CHD1: variants seen among roughly 807,000 people sequenced by gnomAD.
The protein encoded by CHD1 is ATP-dependent chromatin remodeler CHD1.
CHD1 carries 36 observed loss-of-function variants against 224.2 expected under a neutral mutation model. The ratio of observed to expected loss-of-function variants is 0.16; its 90% CI spans 0.12 to 0.21. CHD1 has a LOEUF of 0.21. CHD1 is among the 10% of genes least tolerant of loss of function. CHD1 has a pLI of 1.00. For missense variants in CHD1, 1,378 were observed against 1,994.8 expected (o/e 0.69, Z 5.89); for synonymous variants, 668 against 658.3 (o/e 1.01, Z -0.23).
chr5:98,904,603 G>GT (rs1375915308), intron 3 of CHD1, among the ~76,000 whole-genome samples: 2 of 152,096 alleles, frequency 1.3e-5, no homozygotes, highest in African/African-American at 2.4e-5. Flanking sequence ...TCTTAAATTT[G>GT]TATCTATGAC....
chr5:98,913,055 C>A (rs890358182), intron 2 of CHD1, among the ~76,000 whole-genome samples: 2 of 152,146 alleles, frequency 1.3e-5, no homozygotes, highest in Non-Finnish European at 2.9e-5. Context: ...ACAAAGAGAG[C>A]TATAAATAAA....
In CHD1 at chr5:98,872,084, A is replaced by T. The variant is rs1480653135; in HGVS notation, c.3828T>A (p.Ile1276=). The T allele has an allele frequency of 1.9e-6, 3 of 1,613,166 alleles. No individual in the cohort carries two copies. The African/African-American group carries it at 4.0e-5, about 22-fold the overall frequency. Reference sequence around the variant, plus strand: ...TTAGACTGAGGTCAGGATCCATTTTAATCATTTCCCAGCTTCCATATCCAT... The same window carrying T: ...TTAGACTGAGGTCAGGATCCATTTTTATCATTTCCCAGCTTCCATATCCAT... ...YEYGYGSWEM[I]KMDPDLSLTH... is the part of the protein sequence containing the mutation. Residue 1276 remains isoleucine, a synonymous_variant, in exon 28 of 36, where the codon ATT becomes ATA. Transcript: ENST00000614616.
chr5:98,864,517 C>CAAAAAAAAA (rs67061692), intron 31 of CHD1, among the ~76,000 whole-genome samples: 2 of 58,154 alleles, frequency 3.4e-5, no homozygotes, highest in African/African-American at 6.2e-5. Flanking sequence ...GATTCTATAC[C>CAAAAAAAAA]AAAAAAAAAA....
intron 28 of CHD1, 68 bp from the exon 29 acceptor site, chr5:98,870,871 T>C: frequency 5.6e-6 from 5 of 895,928 alleles, no homozygotes; most frequent in Non-Finnish European, 7.1e-6. Context: ...GGCTAAAAAA[T>C]GCTTAACCAT....
intron 2 of CHD1, among the ~76,000 whole-genome samples, chr5:98,922,466 AAAG>A (rs1753164261): frequency 6.6e-6 from 1 of 152,194 alleles, no homozygotes; most frequent in Non-Finnish European, 1.5e-5. Flanking sequence ...CTCCAGACAG[AAAG>A]AATAGTTAAA....
At chr5:98,912,597 G>A (rs1437992040) in intron 2 of CHD1, among the ~76,000 whole-genome samples, 3 of 152,126 alleles carry the variant, frequency 2.0e-5, no homozygotes, top group Non-Finnish European at 2.9e-5. Context: ...CTAGAACCCA[G>A]GAGGCAGAGG....
chr5:98,865,443 AAACT>A (rs1748789993), intron 31 of CHD1, among the ~76,000 whole-genome samples: 2 of 152,236 alleles, frequency 1.3e-5, no homozygotes, highest in Admixed American at 1.3e-4. Flanking sequence ...TGTGGAGTAC[AAACT>A]GAGGTATGAG....
At chr5:98,897,731 GA>G (rs1267019669) in intron 10 of CHD1, among the ~76,000 whole-genome samples, 1 of 152,190 alleles carries the variant, frequency 6.6e-6, no homozygotes, top group Non-Finnish European at 1.5e-5. Flanking sequence ...AATAAGGAAA[GA>G]AAGTCTAGTA....
chr5:98,894,890 C>T (rs1349855520), intron 12 of CHD1, among the ~76,000 whole-genome samples: 6 of 151,154 alleles, frequency 4.0e-5, no homozygotes, highest in East Asian at 1.9e-4. Flanking sequence ...GGCGTGATCT[C>T]GGCTCACCAC....
intron 1 of CHD1, among the ~76,000 whole-genome samples, 174 bp from the exon 2 acceptor site, chr5:98,926,708 G>C (rs1049055767): frequency 3.3e-5 from 5 of 152,036 alleles, no homozygotes; most frequent in Admixed American, 6.5e-5. Flanking sequence ...CTACACTCCT[G>C]ACTGCTAACT....
chr5:98,858,535 G>A lies in CHD1; in HGVS notation c.4577-145C>T, dbSNP rs190984100. 197 of 641,252 alleles carry A rather than the reference G, an allele frequency of 3.1e-4. 1 individual carries two copies. Among genetic ancestry groups the A allele is most frequent in the Admixed American group, 1.2e-3 (44 of 35,416 alleles). The allele number at this position is 641,252 out of a possible 1,614,324, so 39.7% of individuals were successfully genotyped here. On this transcript the variant is annotated intron_variant, in intron 34 of 35. Transcript: ENST00000614616. ...CAAGCAGTTAAAGCATTTAGAAATGGTGTATAAAAGCAGTACTAAGGATTA... is the reference window on the plus strand; with the variant it reads ...CAAGCAGTTAAAGCATTTAGAAATGATGTATAAAAGCAGTACTAAGGATTA...
intron 29 of CHD1, 41 bp downstream of exon 29, chr5:98,870,646 T>TA: frequency 8.3e-7 from 1 of 1,209,596 alleles, no homozygotes; most frequent in Non-Finnish European, 1.2e-6. Context: ...TTTACCTTAC[T>TA]AAAAAGTAAA....
At chr5:98,926,602 A>G (rs947229501) in intron 1 of CHD1, 68 bp from the exon 2 acceptor site, 4 of 345,342 alleles carry the variant, frequency 1.2e-5, no homozygotes, top group African/African-American at 8.5e-5. Flanking sequence ...GCCCTGTCTA[A>G]AACGTATAAA....
At chr5:98,918,916 A>G (rs1580527804) in intron 2 of CHD1, among the ~76,000 whole-genome samples, 1 of 152,188 alleles carries the variant, frequency 6.6e-6, no homozygotes, top group East Asian at 1.9e-4. Context: ...TGACTCTAGT[A>G]ATCTACCCTC....
At chr5:98,913,297 C>T (rs547847766) in intron 2 of CHD1, among the ~76,000 whole-genome samples, 22 of 152,182 alleles carry the variant, frequency 1.4e-4, no homozygotes, top group African/African-American at 5.1e-4. Context: ...ATAATGAGAT[C>T]CCATCTCTAC....
intron 2 of CHD1, 114 bp from the exon 3 acceptor site, chr5:98,905,212 C>A: frequency 8.2e-7 from 1 of 1,219,484 alleles, no homozygotes; most frequent in Non-Finnish European, 1.1e-6. Flanking sequence ...AATATTTCAA[C>A]TATCTTTGGC....
At chr5:98,860,435 A>G (rs896386357) in intron 32 of CHD1, 2 of 268,644 alleles carry the variant, frequency 7.4e-6, no homozygotes, top group South Asian at 3.6e-5. Flanking sequence ...TAATAACTGG[A>G]GTGGAAATAC....
At chr5:98,867,772 C>A (rs955226796) in intron 31 of CHD1, among the ~76,000 whole-genome samples, 1 of 148,964 alleles carries the variant, frequency 6.7e-6, no homozygotes. Flanking sequence ...CTGGGCCCAC[C>A]TTGGCCTCCT....
In CHD1 at chr5:98,904,904, C is replaced by T. The variant is rs758242850; in HGVS notation, c.248G>A (p.Gly83Glu). ...GGGTATTTTATTGATTACCTCAGCT[C>T]CATCAACTTTCGGTGGTTTTGCTTG... is the stretch of plus-strand genomic sequence containing the variant. ...KVQAKPPKVDGAEFWKSSPSI... is the reference protein window; with the variant it reads ...KVQAKPPKVDEAEFWKSSPSI... Residue 83 changes from glycine to glutamate, a missense_variant, in exon 3 of 36, where the codon GGA (glycine) becomes GAA (glutamate). By Grantham distance (98) the Gly-to-Glu change is moderately conservative. This residue lies in a region of CHD1 where 306 missense variants were observed against 298.1 expected (regional missense o/e 1.03). Transcript: ENST00000614616. 12 of 1,613,812 alleles carry T rather than the reference C, an allele frequency of 7.4e-6. No homozygotes were observed. Among genetic ancestry groups the T allele is most frequent in the Non-Finnish European group, 9.3e-6 (11 of 1,179,868 alleles).
Sources: allele counts gnomAD v4.1 joint callset (sites outside exome capture counted in the v4.1 genomes callset), GRCh38; gene constraint gnomAD v4.1.1; regional missense constraint gnomAD v4.1.1; transcripts MANE v1.5; gene names NCBI Gene and HGNC (gene_info 2026-07-23, HGNC 2026-07-21).